MAF: variants seen among roughly 807,000 people sequenced by gnomAD.
MAF encodes the protein MAF bZIP transcription factor.
In MAF, 10 loss-of-function variants were observed where a neutral mutation model predicts 22.0. That is an observed-to-expected ratio of 0.45 (90% confidence interval 0.28 to 0.77). The LOEUF is 0.77. MAF is among the 30% of genes least tolerant of loss of function. The pLI, the probability that MAF is intolerant of heterozygous loss-of-function variation, is 0.12. For synonymous variants in MAF, 337 were observed against 255.8 expected (o/e 1.32, Z -3.03); for missense variants, 544 against 548.4 (o/e 0.99, Z 0.08).
At chr16:79,530,706 G>C in the MAF span, among the ~76,000 whole-genome samples, 1 of 152,098 alleles carries the variant, frequency 6.6e-6, no homozygotes. Context: ...TTTGAATATT[G>C]TGAACTTTCT....
At chr16:79,376,521 A>C in the MAF span, among the ~76,000 whole-genome samples, 1 of 151,312 alleles carries the variant, frequency 6.6e-6, no homozygotes, top group Non-Finnish European at 1.5e-5. Flanking sequence ...ATTTTATTTT[A>C]TTTTTTTTCT....
chr16:79,381,037 C>T, the MAF span, among the ~76,000 whole-genome samples: 11 of 152,254 alleles, frequency 7.2e-5, no homozygotes, highest in African/African-American at 2.4e-4. Context: ...CCCTGAAGGG[C>T]AGGCTGGCAG....
chr16:79,470,135 G>C, the MAF span, among the ~76,000 whole-genome samples: 1 of 152,236 alleles, frequency 6.6e-6, no homozygotes, highest in African/African-American at 2.4e-5. Context: ...ATTTTTCCGG[G>C]ATGTGCTTAC....
At chr16:79,289,325 T>C in the MAF span, among the ~76,000 whole-genome samples, 2 of 150,902 alleles carry the variant, frequency 1.3e-5, no homozygotes, top group East Asian at 2.0e-4. Flanking sequence ...AGAGAGGAGA[T>C]GGGGGAAATC....
the MAF span, among the ~76,000 whole-genome samples, chr16:79,356,824 C>T: frequency 6.6e-6 from 1 of 152,210 alleles, no homozygotes; most frequent in South Asian, 2.1e-4. Context: ...TAAATGCTTG[C>T]ACTTGTGGGT....
chr16:79,478,934 C>T, the MAF span, among the ~76,000 whole-genome samples: 1 of 152,074 alleles, frequency 6.6e-6, no homozygotes, highest in African/African-American at 2.4e-5. Flanking sequence ...ACCTGTGTAC[C>T]ACCCCAGCAC....
the MAF span, among the ~76,000 whole-genome samples, chr16:79,272,955 G>T: frequency 7.2e-5 from 11 of 152,096 alleles, no homozygotes. Flanking sequence ...CTCCTCTTCT[G>T]CATTTCATGT....
At chr16:79,544,857 T>G in the MAF span, among the ~76,000 whole-genome samples, 5 of 152,144 alleles carry the variant, frequency 3.3e-5, no homozygotes, top group African/African-American at 1.2e-4. Context: ...TTACTTACAT[T>G]CATTCATGTT....
chr16:79,587,982 G>A (rs1350589921), intron 1 of MAF, among the ~76,000 whole-genome samples: 1 of 152,024 alleles, frequency 6.6e-6, no homozygotes, highest in African/African-American at 2.4e-5. Context: ...GATGGTGGGG[G>A]AAAAGGAGGT....
chr16:79,310,544 C>T, the MAF span, among the ~76,000 whole-genome samples: 84 of 152,364 alleles, frequency 5.5e-4, no homozygotes, highest in Middle Eastern at 0.01. Flanking sequence ...GGGAGGACTG[C>T]TGTCCCAAAG....
At chr16:79,482,664 G>A in the MAF span, among the ~76,000 whole-genome samples, 2 of 152,062 alleles carry the variant, frequency 1.3e-5, no homozygotes, top group Non-Finnish European at 2.9e-5. Flanking sequence ...TGCTCACAGC[G>A]TGGCCCTGCC....
chr16:79,488,238 C>T, the MAF span, among the ~76,000 whole-genome samples: 2 of 152,236 alleles, frequency 1.3e-5, no homozygotes, highest in African/African-American at 4.8e-5. Flanking sequence ...CTGCCTTTTC[C>T]TCCAATTAAT....
chr16:79,559,593 A>C, the MAF span, among the ~76,000 whole-genome samples: 6 of 152,202 alleles, frequency 3.9e-5, no homozygotes, highest in Admixed American at 2.0e-4. Flanking sequence ...ACTGCAGACA[A>C]ACTGACTATA....
At chr16:79,268,771 A>T in the MAF span, among the ~76,000 whole-genome samples, 1 of 152,196 alleles carries the variant, frequency 6.6e-6, no homozygotes, top group Non-Finnish European at 1.5e-5. Context: ...TGAGAAAGAA[A>T]TTCTCACTGT....
At chr16:79,540,099 A>C in the MAF span, among the ~76,000 whole-genome samples, 2 of 152,126 alleles carry the variant, frequency 1.3e-5, no homozygotes, top group Non-Finnish European at 2.9e-5. Flanking sequence ...TGGTAGAGTC[A>C]GGGCCAAAAG....
At chr16:79,385,924 A>C in the MAF span, among the ~76,000 whole-genome samples, 1 of 152,208 alleles carries the variant, frequency 6.6e-6, no homozygotes, top group Admixed American at 6.5e-5. Flanking sequence ...ACAAAAAAAC[A>C]AAATAAAACA....
chr16:79,367,806 G>A, the MAF span, among the ~76,000 whole-genome samples: 2 of 152,186 alleles, frequency 1.3e-5, no homozygotes, highest in Admixed American at 6.5e-5. Flanking sequence ...GTACATTGTA[G>A]GCACTCAATG....
chr16:79,587,652 A>G (rs898065870), intron 1 of MAF, among the ~76,000 whole-genome samples: 2 of 152,168 alleles, frequency 1.3e-5, no homozygotes, highest in Admixed American at 6.5e-5. Flanking sequence ...AGGCTTTGCA[A>G]AATGCCCCCT....
At chr16:79,297,738 G>A in the MAF span, among the ~76,000 whole-genome samples, 103 of 152,340 alleles carry the variant, frequency 6.8e-4, no homozygotes, top group African/African-American at 2.3e-3. Flanking sequence ...AGGTACACAT[G>A]GAGTTCTGTG....
Sources: gnomAD v4.1 joint callset for allele counts (sites outside exome capture counted in the v4.1 genomes callset) on GRCh38, gnomAD v4.1.1 for gene constraint, MANE v1.5 for transcripts, NCBI Gene and HGNC (gene_info 2026-07-23, HGNC 2026-07-21) for gene names.